The following PLCH2 variants were observed in gnomAD, a reference collection of about 807,000 sequenced individuals.
PLCH2 encodes the protein 1-phosphatidylinositol 4,5-bisphosphate phosphodiesterase eta-2.
A neutral mutation model predicts 134.7 loss-of-function variants in PLCH2; 98 were observed. The observed-to-expected ratio is 0.73, with a 90% CI of 0.62 to 0.86. The LOEUF (loss-of-function observed/expected upper bound fraction) is 0.86, where lower values mean the gene tolerates loss of function less well. Among genes scored for constraint, PLCH2 ranks in the 40% least tolerant of loss-of-function variants. The pLI is 0.00. For missense variants in PLCH2, 1,994 were observed against 1,986.6 expected (o/e 1.00, Z -0.07); for synonymous variants, 974 against 827.5 (o/e 1.18, Z -3.04).
At chr1:2,502,826 C>T in intron 21 of PLCH2, 1 of 717,168 alleles carries the variant, frequency 1.4e-6, no homozygotes. Flanking sequence ...CTGCAGGCAA[C>T]CGGGGGCCCT....
upstream of PLCH2, among the ~76,000 whole-genome samples, chr1:2,474,337 C>T (rs1013015548): frequency 3.9e-5 from 6 of 152,038 alleles, no homozygotes; most frequent in South Asian, 2.1e-4. Context: ...GGGGAGTGGG[C>T]GGTCCCTTTG....
At chr1:2,476,817 C>A in intron 1 of PLCH2, 105 bp downstream of exon 1, 1 of 1,199,802 alleles carries the variant, frequency 8.3e-7, no homozygotes, top group Non-Finnish European at 1.1e-6. Context: ...GCCTCCATCC[C>A]ATCCTGCACT....
At chr1:2,456,294 G>A (rs1280921429) in intron 2 of PLCH2, among the ~76,000 whole-genome samples, 1 of 152,212 alleles carries the variant, frequency 6.6e-6, no homozygotes, top group Non-Finnish European at 1.5e-5. Context: ...TTCGTCCCCT[G>A]GGCGCTGGCT....
At chr1:2,459,424 G>C (rs112005318) in intron 2 of PLCH2, among the ~76,000 whole-genome samples, 629 of 28,884 alleles carry the variant, frequency 0.022, 82 homozygotes, top group East Asian at 0.042. Context: ...GGTCCTCCTT[G>C]CCGGTGGTCC....
chr1:2,433,989 G>C (rs80167457), intron 2 of PLCH2, among the ~76,000 whole-genome samples: 9 of 149,934 alleles, frequency 6.0e-5, no homozygotes, highest in Non-Finnish European at 8.9e-5. Flanking sequence ...CAGTCTCCCC[G>C]GGCACCCAGG....
intron 2 of PLCH2, among the ~76,000 whole-genome samples, chr1:2,461,791 A>G (rs1451610644): frequency 6.6e-6 from 1 of 152,046 alleles, no homozygotes; most frequent in Non-Finnish European, 1.5e-5. Flanking sequence ...TGGGGGAACC[A>G]GGAGCAGGGC....
Position 2,504,535 on chromosome 1 carries a change from C to T in PLCH2, c.3573C>T (p.Arg1191=), listed in dbSNP as rs773647318. Residue 1191 remains arginine, a synonymous_variant, in exon 22 of 22, where the codon CGC becomes CGT. Coordinates refer to ENST00000378486, the MANE Select transcript of PLCH2 (RefSeq NM_014638.4). ...GGCCCCACTCGGCTTCGGCTGCCCG[C>T]CCAGACCTGCCACCTGTGACCAAGA... ...PPRPHSASAA[R]PDLPPVTKSK... is the part of the protein sequence containing the mutation. 5 of 1,612,504 alleles carry T rather than the reference C, an allele frequency of 3.1e-6. No homozygotes were observed. In the Admixed American group the frequency reaches 8.3e-5, roughly 27 times the overall value.
intron 21 of PLCH2, chr1:2,502,931 G>T: frequency 1.4e-6 from 1 of 717,224 alleles, no homozygotes; most frequent in Non-Finnish European, 2.6e-6. Context: ...CTTGCCCTGC[G>T]TGGTCCTCCC....
rs553471807 is a variant in PLCH2, at chr1:2,448,493, C to T, written c.115+17864C>T. ...GGATCTGGGGCCTGCCTGGGTCATT[C>T]GGGACGATCTCCTCGGCGCAGGCCT... is the stretch of plus-strand genomic sequence containing the variant. On this transcript the variant is annotated intron_variant, in intron 2 of 3. Transcript: ENST00000609981. This position sits in a 1 kb window ranked among gnomAD's most constrained non-coding sequence, Gnocchi z 4.0. Among the ~76,000 whole-genome samples the T allele has an allele frequency of 1.4e-4, 22 of 152,294 alleles. No individual in the cohort carries two copies. The highest frequency in any genetic ancestry group is 9.7e-4 in the East Asian group (5 of 5,178).
chr1:2,477,192 G>A (rs1641679249), intron 1 of PLCH2, among the ~76,000 whole-genome samples: 1 of 152,110 alleles, frequency 6.6e-6, no homozygotes, highest in South Asian at 2.1e-4. Context: ...GTCCGGGCTG[G>A]CCTGCCAGCT....
chr1:2,493,635 C>T (rs1008383397), intron 11 of PLCH2: 1 of 152,364 alleles, frequency 6.6e-6, no homozygotes, highest in Non-Finnish European at 1.5e-5. Context: ...GCAGGGCACA[C>T]CTCTGGGCCG....
chr1:2,477,288 C>A (rs1307266736), intron 1 of PLCH2, among the ~76,000 whole-genome samples: 2 of 152,128 alleles, frequency 1.3e-5, no homozygotes, highest in Admixed American at 1.3e-4. Context: ...CCTGCCTCAC[C>A]CCTCTCCTAA....
chr1:2,484,450 A>T lies in PLCH2; in HGVS notation c.648A>T (p.Glu216Asp). The stretch of plus-strand genomic sequence containing the variant: ...GGACCCAAGGCCTTGCATTGCAGGA[A>T]GCGGACACGGATGACCACCAAGGGA... ...PRQRVKQMFR[E>D]ADTDDHQGTL... The change falls in exon 5 of 22, where the codon GAA (glutamate) becomes GAT (aspartate). Residue 216 changes from glutamate to aspartate, a missense_variant and splice_region_variant. Physicochemically the swap from Glu to Asp is conservative, Grantham distance 45 (BLOSUM62 2). This residue lies in a region of PLCH2 where 1,094 missense variants were observed against 1,234.3 expected (regional missense o/e 0.89). Coordinates refer to ENST00000378486, the MANE Select transcript of PLCH2 (RefSeq NM_014638.4). 6 of 1,613,108 alleles carry T rather than the reference A, an allele frequency of 3.7e-6. No homozygotes were observed. The highest frequency in any genetic ancestry group is 1.3e-5 in the African/African-American group (1 of 74,996).
upstream of PLCH2, among the ~76,000 whole-genome samples, chr1:2,473,026 A>G (rs1234074723): frequency 6.6e-6 from 1 of 152,060 alleles, no homozygotes; most frequent in Non-Finnish European, 1.5e-5. Flanking sequence ...CCCCTTGTTG[A>G]TGACAGCCGC....
rs1325494802 is a variant in PLCH2, at chr1:2,499,142, G to A, written c.2493G>A (p.Ala831=). 4 of 1,612,868 alleles carry A rather than the reference G, an allele frequency of 2.5e-6. No individual in the cohort carries two copies. The highest frequency in any genetic ancestry group is 1.3e-5 in the African/African-American group (1 of 74,912). The stretch of plus-strand genomic sequence containing the variant: ...TCATGGTGCACATGCCGGAGATCGC[G>A]CTGGTCCGCTTCCTCGTCTGGGACC... ...LVFMVHMPEI[A]LVRFLVWDHD... The change falls in exon 19 of 22, where the codon GCG becomes GCA. Residue 831 remains alanine, a synonymous_variant. Coordinates refer to ENST00000378486, the MANE Select transcript of PLCH2 (RefSeq NM_014638.4).
At chr1:2,471,898 C>A (rs1241542667), upstream of PLCH2, among the ~76,000 whole-genome samples, 5 of 152,202 alleles carry the variant, frequency 3.3e-5, no homozygotes, top group Non-Finnish European at 7.3e-5. Flanking sequence ...CTCCACAACG[C>A]CCCCACCTCC....
In PLCH2 at chr1:2,498,835, C is replaced by A; in HGVS notation, c.2434+7C>A. On this transcript the variant is annotated splice_region_variant and intron_variant, in intron 18 of 21. Transcript: ENST00000378486. This position sits in a 1 kb window ranked among gnomAD's most constrained non-coding sequence, Gnocchi z 5.4. ...CGCGTGGTGGACGACAACGGTGAGG[C>A]TGGGCCGTGGCTCCGTCACACCTGT... 1 of 1,601,812 alleles carries A rather than the reference C, an allele frequency of 6.2e-7. No homozygotes were observed. Among genetic ancestry groups the A allele is most frequent in the Non-Finnish European group, 8.5e-7 (1 of 1,171,740 alleles).
intron 11 of PLCH2, among the ~76,000 whole-genome samples, chr1:2,491,712 G>A (rs544681326): frequency 1.3e-5 from 2 of 152,240 alleles, no homozygotes; most frequent in Non-Finnish European, 2.9e-5. Flanking sequence ...TGACAGGCAG[G>A]GTGGGCCGGG....
chr1:2,437,072 G>A (rs926354691), intron 2 of PLCH2, among the ~76,000 whole-genome samples: 1 of 152,206 alleles, frequency 6.6e-6, no homozygotes, highest in Non-Finnish European at 1.5e-5. Context: ...CAGGCCTCTC[G>A]CCTTCTGTGG....
Sources: gnomAD v4.1 joint callset for allele counts (sites outside exome capture counted in the v4.1 genomes callset) on GRCh38, gnomAD v4.1.1 for gene constraint, gnomAD v4.1.1 regional missense constraint, Gnocchi (gnomAD v3.1) non-coding constraint, MANE v1.5 for transcripts, NCBI Gene and HGNC (gene_info 2026-07-23, HGNC 2026-07-21) for gene names.